LATS1: variants seen among roughly 807,000 people sequenced by gnomAD.
The protein encoded by LATS1 is large tumor suppressor kinase 1.
A neutral mutation model predicts 106.6 loss-of-function variants in LATS1; 25 were observed. The observed-to-expected ratio is 0.23, with a 90% CI of 0.17 to 0.33. The LOEUF (loss-of-function observed/expected upper bound fraction) is 0.33. Among genes scored for constraint, LATS1 ranks in the 10% least tolerant of loss-of-function variants. The pLI is 1.00. For missense variants in LATS1, 1,040 were observed against 1,382.6 expected, an observed-to-expected ratio of 0.75 and a Z score of 3.93; for synonymous variants, 465 against 455.6, an observed-to-expected ratio of 1.02 and a Z score of -0.26.
Position 149,659,189 on chromosome 6 carries a change from C to T in LATS1, c.*2540G>A, listed in dbSNP as rs141530447. The T allele has an allele frequency of 7.5e-3, 1,326 of 176,624 alleles. 12 individuals carry two copies. Among genetic ancestry groups the T allele is most frequent in the Middle Eastern group, 0.016 (7 of 448 alleles). 10.9% of individuals were successfully genotyped at this position (176,624 alleles called of 1,614,324 possible). On this transcript the variant is annotated 3_prime_UTR_variant, in exon 8 of 8. Transcript: ENST00000543571. ...ATTTTAAAAGAATACATATTTGCGC[C>T]AGGCGCGGTGGGTCACGTCTGTAAT...
Position 149,661,127 on chromosome 6 carries a change from T to C in LATS1, c.*602A>G. Reference sequence around the variant, plus strand: ...ATGGGGCGGGGGGTGGGGGGGAAGATAAATGCATTATTTTTCCTTCTGACA... The same window carrying C: ...ATGGGGCGGGGGGTGGGGGGGAAGACAAATGCATTATTTTTCCTTCTGACA... On this transcript the variant is annotated 3_prime_UTR_variant, in exon 8 of 8. Transcript: ENST00000543571. 5.6e-6 allele frequency: 1 copy of C among 178,230 alleles called. No individual in the cohort carries two copies. The highest frequency in any genetic ancestry group is 2.2e-4 in the South Asian group (1 of 4,534). 11.0% of individuals were successfully genotyped at this position (178,230 alleles called of 1,614,324 possible).
At chr6:149,708,287 C>T (rs1414610390) in intron 1 of LATS1, among the ~76,000 whole-genome samples, 2 of 151,984 alleles carry the variant, frequency 1.3e-5, no homozygotes, top group Non-Finnish European at 2.9e-5. Context: ...TGGTGGCAGG[C>T]ACCTGTAGTC....
rs573861538 is a variant in LATS1, at chr6:149,681,884, G to A, written c.2010+1195C>T. Among the ~76,000 whole-genome samples the A allele has an allele frequency of 2.2e-4, 34 of 152,230 alleles. 1 individual carries two copies. The South Asian group carries it at 4.4e-3, about 19-fold the overall frequency. On this transcript the variant is annotated intron_variant, in intron 4 of 7. Coordinates refer to ENST00000543571, the MANE Select transcript of LATS1 (RefSeq NM_004690.4). Reference sequence around the variant, plus strand: ...AATCCCAGTGCTTTGGGAGGCAGACGCGGGTGGGTCATGGCGTCAAGAGAT... The same window carrying A: ...AATCCCAGTGCTTTGGGAGGCAGACACGGGTGGGTCATGGCGTCAAGAGAT...
chr6:149,676,696 A>G lies in LATS1; in HGVS notation c.2635T>C (p.Trp879Arg), dbSNP rs1582860685. 3 of 1,614,042 alleles carry G rather than the reference A, an allele frequency of 1.9e-6. No homozygotes were observed. Among genetic ancestry groups the G allele is most frequent in the Non-Finnish European group, 2.5e-6 (3 of 1,179,952 alleles). Residue 879 changes from tryptophan to arginine, a missense_variant, in exon 6 of 8, where the codon TGG becomes CGG. This residue lies in a region of LATS1 where 63 missense variants were observed against 64.3 expected (regional missense o/e 0.98). Transcript: ENST00000543571. ...CATCGACAGCTTGAGGGATCCCCCC[A>G]TTCATTACTGAAATCCATGCTATCT... is the stretch of plus-strand genomic sequence containing the variant. ...RQDSMDFSNE[W>R]GDPSSCRCGD...
At chr6:149,688,250 T>C (rs1375665117) in intron 3 of LATS1, among the ~76,000 whole-genome samples, 3 of 152,134 alleles carry the variant, frequency 2.0e-5, no homozygotes, top group Admixed American at 6.6e-5. Flanking sequence ...TCCCTCTCTA[T>C]TCTTTTTCTC....
At chr6:149,692,715 C>A (rs1387642492) in intron 3 of LATS1, among the ~76,000 whole-genome samples, 19 of 149,916 alleles carry the variant, frequency 1.3e-4, no homozygotes, top group Admixed American at 1.3e-3. Flanking sequence ...GATCTTGTTG[C>A]CCAGGCTGGA....
chr6:149,695,184 CTGT>C lies in LATS1; in HGVS notation c.383_385del (p.Asn128del), dbSNP rs1782987122. 6 of 1,608,924 alleles carry C rather than the reference CTGT, an allele frequency of 3.7e-6. No homozygotes were observed. In the Admixed American group the frequency reaches 5.0e-5, roughly 13 times the overall value. On this transcript the variant is annotated inframe_deletion, in exon 3 of 8. Coordinates refer to ENST00000543571, the MANE Select transcript of LATS1 (RefSeq NM_004690.4). ...GAATTCAATTGCTGCTTCTATACTT[CTGT>C]TGTTAGTTTTCTGAAGAGCTTGTAT...
At chr6:149,691,756 A>C (rs1782765048) in intron 3 of LATS1, among the ~76,000 whole-genome samples, 2 of 152,104 alleles carry the variant, frequency 1.3e-5, no homozygotes, top group South Asian at 4.1e-4. Context: ...GCTCATACAT[A>C]CATCCCCACC....
At chr6:149,692,252 G>A (rs774710664) in intron 3 of LATS1, among the ~76,000 whole-genome samples, 1 of 152,094 alleles carries the variant, frequency 6.6e-6, no homozygotes, top group Non-Finnish European at 1.5e-5. Flanking sequence ...TCACAATCCT[G>A]TGTTCAGTGC....
At chr6:149,678,259 G>A (rs1163913421) in intron 5 of LATS1, among the ~76,000 whole-genome samples, 1 of 151,292 alleles carries the variant, frequency 6.6e-6, no homozygotes, top group Admixed American at 6.6e-5. Flanking sequence ...CAAGAGAATG[G>A]CGTGAACCTG....
chr6:149,709,448 G>C (rs1341935163), intron 1 of LATS1, among the ~76,000 whole-genome samples: 1 of 152,100 alleles, frequency 6.6e-6, no homozygotes, highest in East Asian at 1.9e-4. Context: ...TCTACATTCT[G>C]AAGTTAATTC....
chr6:149,673,831 T>A (rs111821206), intron 7 of LATS1, among the ~76,000 whole-genome samples: 85 of 151,568 alleles, frequency 5.6e-4, no homozygotes, highest in African/African-American at 1.9e-3. Flanking sequence ...CCAGCCACCA[T>A]GCACGGCTAA....
At chr6:149,676,059 C>T (rs1781704281) in intron 7 of LATS1, 2 of 526,690 alleles carry the variant, frequency 3.8e-6, no homozygotes, top group East Asian at 6.5e-5. Context: ...CACATTGTTG[C>T]CAGGCTGATC....
chr6:149,714,578 T>C (rs1784284910), intron 1 of LATS1, among the ~76,000 whole-genome samples: 1 of 152,184 alleles, frequency 6.6e-6, no homozygotes, highest in Non-Finnish European at 1.5e-5. Context: ...GAAGAAGCTG[T>C]TTAATTTCCA....
intron 4 of LATS1, among the ~76,000 whole-genome samples, chr6:149,682,741 T>C (rs1435219984): frequency 2.0e-5 from 3 of 152,132 alleles, no homozygotes; most frequent in African/African-American, 7.2e-5. Context: ...CTAGTTTATT[T>C]TTAAATGTTG....
intron 1 of LATS1, among the ~76,000 whole-genome samples, chr6:149,713,159 T>C (rs1210671977): frequency 6.6e-6 from 1 of 152,142 alleles, no homozygotes; most frequent in Non-Finnish European, 1.5e-5. Context: ...ATGAAAACAA[T>C]GGATGAGAGT....
chr6:149,717,968 CG>C lies in LATS1; in HGVS notation c.-261del, dbSNP rs776480344. 6.3e-5 allele frequency: 23 copies of C among 363,908 alleles called. No homozygotes were observed. Among genetic ancestry groups the C allele is most frequent in the African/African-American group, 2.3e-4 (10 of 43,304 alleles). The allele number at this position is 363,908 out of a possible 1,614,324, so 22.5% of individuals were successfully genotyped here. ...TGGTGGGGCAGAGCGGGGAGACGAA[CG>C]GGGGGGCTGCCGCGGGCCAGCGCGG... On this transcript the variant is annotated 5_prime_UTR_variant, in exon 1 of 8. Coordinates refer to ENST00000543571, the MANE Select transcript of LATS1 (RefSeq NM_004690.4).
chr6:149,711,627 C>T (rs1030911886), intron 1 of LATS1, among the ~76,000 whole-genome samples: 1 of 152,004 alleles, frequency 6.6e-6, no homozygotes, highest in African/African-American at 2.4e-5. Flanking sequence ...AATTTAAAAC[C>T]CTTGGGTCCC....
intron 7 of LATS1, among the ~76,000 whole-genome samples, chr6:149,663,380 G>A (rs1256187378): frequency 6.6e-6 from 1 of 152,076 alleles, no homozygotes; most frequent in Admixed American, 6.6e-5. Context: ...TACTTGAGGT[G>A]GGAGGATGAC....
Sources: allele counts gnomAD v4.1 joint callset (sites outside exome capture counted in the v4.1 genomes callset), GRCh38; gene constraint gnomAD v4.1.1; regional missense constraint gnomAD v4.1.1; transcripts MANE v1.5; gene names NCBI Gene and HGNC (gene_info 2026-07-23, HGNC 2026-07-21).